The following KLF15 variants were observed in gnomAD, a reference collection of about 807,000 sequenced individuals.
The protein encoded by KLF15 is KLF transcription factor 15, also known as Krueppel-like factor 15.
KLF15 carries 4 observed loss-of-function variants against 24.6 expected under a neutral mutation model. That is an observed-to-expected ratio of 0.16 (90% CI 0.08 to 0.37). The LOEUF (loss-of-function observed/expected upper bound fraction) is 0.37, where lower values mean the gene tolerates loss of function less well. Ranked by LOEUF, KLF15 falls within the 10% of genes least tolerant of loss-of-function variation. The pLI, the probability that KLF15 is intolerant of heterozygous loss-of-function variation, is 1.00. For missense variants in KLF15, 496 were observed against 560.6 expected (o/e 0.88, Z 1.16); for synonymous variants, 246 against 236.3 (o/e 1.04, Z -0.37).
At chr3:126,296,240 G>A in the KLF15 span, among the ~76,000 whole-genome samples, 17 of 152,068 alleles carry the variant, frequency 1.1e-4, no homozygotes, top group Admixed American at 2.6e-4. Context: ...TTGGAGTCTC[G>A]CTCTATCGCC....
chr3:126,352,646 C>T lies in KLF15; in HGVS notation c.277G>A (p.Gly93Ser), dbSNP rs1331732049. 7.6e-6 allele frequency: 12 copies of T among 1,573,882 alleles called. No individual in the cohort carries two copies. Among genetic ancestry groups the T allele is most frequent in the Admixed American group, 1.8e-5 (1 of 54,748 alleles). Residue 93 changes from glycine to serine, a missense_variant, in exon 2 of 3, where the codon GGC (glycine) becomes AGC (serine). Around this residue, in one of 3 missense-constraint regions of KLF15, gnomAD observed 399 missense variants for 423.1 expected, o/e 0.94. Transcript: ENST00000296233. ...QATLGSGGGS[G>S]SSIGASSGPV... ...CCACTGCTGGCCCCAATGCTACTGC[C>T]GCTGCCCCCGCCACTGCCCAGCGTG... is the stretch of plus-strand genomic sequence containing the variant.
chr3:126,350,369 G>A (rs1023912108), intron 2 of KLF15, among the ~76,000 whole-genome samples: 4 of 152,162 alleles, frequency 2.6e-5, no homozygotes, highest in Non-Finnish European at 4.4e-5. Flanking sequence ...AAGCCTCTCC[G>A]GTCTGTCTGA....
the KLF15 span, among the ~76,000 whole-genome samples, chr3:126,309,030 C>G: frequency 1.3e-5 from 2 of 152,182 alleles, no homozygotes; most frequent in Non-Finnish European, 2.9e-5. Flanking sequence ...CTCACATCCT[C>G]CTCAGATGTG....
At chr3:126,349,980 C>T (rs1247044553) in intron 2 of KLF15, among the ~76,000 whole-genome samples, 1 of 152,180 alleles carries the variant, frequency 6.6e-6, no homozygotes, top group African/African-American at 2.4e-5. Context: ...ACAAGGAGGC[C>T]GCTGTGGAGC....
chr3:126,299,205 AGTAT>A, the KLF15 span, among the ~76,000 whole-genome samples: 159 of 150,490 alleles, frequency 1.1e-3, no homozygotes, highest in Middle Eastern at 6.9e-3. Context: ...TATATTCCTA[AGTAT>A]GTATGTATGT....
chr3:126,313,740 C>G, the KLF15 span, among the ~76,000 whole-genome samples: 1 of 152,232 alleles, frequency 6.6e-6, no homozygotes, highest in Non-Finnish European at 1.5e-5. Flanking sequence ...TTGCTACTTA[C>G]CAACTACCCA....
chr3:126,333,129 C>T, the KLF15 span, among the ~76,000 whole-genome samples: 1 of 62,408 alleles, frequency 1.6e-5, no homozygotes, highest in Non-Finnish European at 3.0e-5. Flanking sequence ...TCAGATTCAC[C>T]AAAGTTGAAA....
At chr3:126,332,160 T>G in the KLF15 span, among the ~76,000 whole-genome samples, 3 of 152,046 alleles carry the variant, frequency 2.0e-5, no homozygotes, top group Non-Finnish European at 4.4e-5. Flanking sequence ...TCTGCAGACT[T>G]AAGTGTCCCT....
chr3:126,346,276 G>A (rs963217448), intron 2 of KLF15, among the ~76,000 whole-genome samples: 6 of 151,970 alleles, frequency 3.9e-5, no homozygotes, highest in African/African-American at 1.2e-4. Flanking sequence ...AGAGTGCCAC[G>A]CCTCCCAGGC....
the KLF15 span, among the ~76,000 whole-genome samples, chr3:126,319,867 T>A: frequency 1.3e-5 from 2 of 152,140 alleles, no homozygotes; most frequent in Non-Finnish European, 2.9e-5. Context: ...GAGGGGGAAC[T>A]GGAGGAAGAG....
At chr3:126,355,683 C>T (rs2082624656) in intron 1 of KLF15, among the ~76,000 whole-genome samples, 1 of 152,246 alleles carries the variant, frequency 6.6e-6, no homozygotes, top group South Asian at 2.1e-4. Context: ...AAGGCCATAT[C>T]CCAGAGTCTA....
the KLF15 span, among the ~76,000 whole-genome samples, chr3:126,318,848 G>T: frequency 1.3e-5 from 2 of 152,108 alleles, no homozygotes; most frequent in Non-Finnish European, 2.9e-5. Flanking sequence ...TTAAATTAGG[G>T]TTCACTCCTA....
the KLF15 span, among the ~76,000 whole-genome samples, chr3:126,323,423 ATATATATATAT>A: frequency 3.4e-5 from 1 of 29,298 alleles, no homozygotes; most frequent in African/African-American, 9.9e-5. Context: ...ATATATATAT[ATATATATATAT>A]AACATATATA....
intron 2 of KLF15, among the ~76,000 whole-genome samples, chr3:126,350,844 C>T (rs1185480658): frequency 1.3e-5 from 2 of 152,078 alleles, no homozygotes; most frequent in East Asian, 1.9e-4. Flanking sequence ...CCCAGGGATA[C>T]AGATGAGTGT....
chr3:126,294,744 G>A, the KLF15 span, among the ~76,000 whole-genome samples: 1 of 151,982 alleles, frequency 6.6e-6, no homozygotes, highest in East Asian at 1.9e-4. Context: ...AGAAAATCGG[G>A]TTCCTTCTTT....
At chr3:126,311,723 G>A in the KLF15 span, among the ~76,000 whole-genome samples, 1 of 152,214 alleles carries the variant, frequency 6.6e-6, no homozygotes, top group Non-Finnish European at 1.5e-5. Context: ...CAAGGGCACT[G>A]GACAAGGCAA....
the KLF15 span, among the ~76,000 whole-genome samples, chr3:126,312,474 C>T: frequency 6.6e-6 from 1 of 152,308 alleles, no homozygotes; most frequent in South Asian, 2.1e-4. Flanking sequence ...CGCGCCCAGC[C>T]AGAACCTGAG....
downstream of KLF15, among the ~76,000 whole-genome samples, chr3:126,340,984 G>C (rs1311436216): frequency 2.0e-5 from 3 of 152,216 alleles, no homozygotes; most frequent in Non-Finnish European, 4.4e-5. Context: ...CCACGCTGTT[G>C]CCCGGGGCCT....
chr3:126,297,541 G>A, the KLF15 span, among the ~76,000 whole-genome samples: 6 of 152,124 alleles, frequency 3.9e-5, no homozygotes, highest in African/African-American at 1.4e-4. Context: ...CTGAGATTTT[G>A]GTGAACCCAT....
Sources: gnomAD v4.1 joint callset for allele counts (sites outside exome capture counted in the v4.1 genomes callset) on GRCh38, gnomAD v4.1.1 for gene constraint, gnomAD v4.1.1 regional missense constraint, MANE v1.5 for transcripts, NCBI Gene and HGNC (gene_info 2026-07-23, HGNC 2026-07-21) for gene names.